Variants in NLRP8 observed in about 807,000 individuals in gnomAD.
NLRP8 encodes NLR family pyrin domain containing 8, also known as NACHT, LRR and PYD domains-containing protein 8.
NLRP8 carries 86 observed loss-of-function variants against 88.7 expected under a neutral mutation model. The ratio of observed to expected loss-of-function variants is 0.97; its 90% CI spans 0.81 to 1.16. The LOEUF is 1.16. Ranked by LOEUF, NLRP8 falls within the 50% of genes most tolerant of loss-of-function variation. NLRP8 has a pLI of 0.00. For synonymous variants in NLRP8, 504 were observed against 494.6 expected, an observed-to-expected ratio of 1.02 and a Z score of -0.25; for missense variants, 1,342 against 1,286.5, an observed-to-expected ratio of 1.04 and a Z score of -0.66.
At chr19:55,957,677 ATATATAT>A (rs1214498771) in intron 3 of NLRP8, among the ~76,000 whole-genome samples, 623 of 11,942 alleles carry the variant, frequency 0.052, 11 homozygotes, top group South Asian at 0.091. Flanking sequence ...TAATAATTAT[ATATATAT>A]ATATATATAT....
At position 55,955,249 on chromosome 19, in the gene NLRP8, G is replaced by A; in HGVS notation, c.1191G>A (p.Val397=). The change falls in exon 3 of 10, where the codon GTG becomes GTA. Residue 397 remains valine (V), a synonymous_variant. Transcript: ENST00000291971. ...TCTTCTCCATGTGCCGGGTCCCTGT[G>A]GTTTGCTGGATGGTCTGCTCTGGTC... 1 of 1,614,180 alleles carries A rather than the reference G, an allele frequency of 6.2e-7. No homozygotes were observed. The highest frequency in any genetic ancestry group is 8.5e-7 in the Non-Finnish European group (1 of 1,180,036).
At chr19:55,956,236 C>CTTTGTTTTGT in intron 3 of NLRP8, 136 bp downstream of exon 3, 1 of 913,252 alleles carries the variant, frequency 1.1e-6, no homozygotes, top group Admixed American at 2.9e-5. Context: ...ACTTCTGTTG[C>CTTTGTTTTGT]TTTGTTTTGT....
chr19:55,981,263 G>C lies in NLRP8; in HGVS notation c.3047+1699G>C, dbSNP rs762118560. 1.1e-4 allele frequency among the ~76,000 whole-genome samples: 16 copies of C among 151,330 alleles called. No homozygotes were observed. The Middle Eastern group carries it at 0.014, about 129-fold the overall frequency. On this transcript the variant is annotated intron_variant, in intron 9 of 9. Coordinates refer to ENST00000291971, the MANE Select transcript of NLRP8 (RefSeq NM_176811.2). ...TTTCCTAATGAGAAATTGGGAAACA[G>C]TTGCCTATTTTGTGGGCCGTCCTGA...
At chr19:55,982,593 C>T (rs1204548337) in intron 9 of NLRP8, among the ~76,000 whole-genome samples, 1 of 152,142 alleles carries the variant, frequency 6.6e-6, no homozygotes, top group Non-Finnish European at 1.5e-5. Flanking sequence ...ACAGTTGGTG[C>T]TGGGAATGTA....
At chr19:55,978,601 A>G (rs1309777247) in intron 8 of NLRP8, among the ~76,000 whole-genome samples, 1 of 152,100 alleles carries the variant, frequency 6.6e-6, no homozygotes, top group African/African-American at 2.4e-5. Flanking sequence ...TTAACCCATT[A>G]ATCTAATAAT....
intron 9 of NLRP8, among the ~76,000 whole-genome samples, chr19:55,984,380 C>A (rs1422208616): frequency 1.3e-5 from 2 of 152,232 alleles, no homozygotes; most frequent in Non-Finnish European, 1.5e-5. Flanking sequence ...TGTGGCCGGG[C>A]GCAGTGGCTC....
In NLRP8 at chr19:55,955,674, A is replaced by G; in HGVS notation, c.1616A>G (p.Gln539Arg). ...CATGTGTTGAGCCACGTGAATATCC[A>G]GCGCCTGATAGCGAGTCCCAGAGGA... Residue 539 changes from glutamine (Q) to arginine (R), a missense_variant, in exon 3 of 10, where the codon CAG becomes CGG. Coordinates refer to ENST00000291971, the MANE Select transcript of NLRP8 (RefSeq NM_176811.2). The G allele has an allele frequency of 6.2e-7, 1 of 1,614,170 alleles. No homozygotes were observed. The highest frequency in any genetic ancestry group is 8.5e-7 in the Non-Finnish European group (1 of 1,179,992).
intron 9 of NLRP8, among the ~76,000 whole-genome samples, chr19:55,983,866 C>T (rs1451096634): frequency 2.1e-5 from 3 of 144,084 alleles, no homozygotes; most frequent in East Asian, 2.1e-4. Flanking sequence ...CATCAATTTG[C>T]AATTTTTAAA....
At position 55,955,641 on chromosome 19, in the gene NLRP8, A is replaced by C. The variant is rs749071133; in HGVS notation, c.1583A>C (p.Lys528Thr). 1.2e-6 allele frequency: 2 copies of C among 1,614,082 alleles called. No individual in the cohort carries two copies. Among genetic ancestry groups the C allele is most frequent in the Non-Finnish European group, 1.7e-6 (2 of 1,180,036 alleles). Residue 528 changes from lysine to threonine, a missense_variant, in exon 3 of 10, where the codon AAA (lysine) becomes ACA (threonine). Lys to Thr is a moderately conservative substitution (Grantham distance 78, BLOSUM62 -1). Transcript: ENST00000291971. ...GTTCTCTGTTTCCCACAAAGACTCA[A>C]AAATTTTCATGTGTTGAGCCACGTG...
chr19:55,972,532 C>T (rs1411272347), intron 6 of NLRP8, among the ~76,000 whole-genome samples: 2 of 151,868 alleles, frequency 1.3e-5, no homozygotes, highest in East Asian at 1.9e-4. Context: ...GCCCAACATC[C>T]GAGCAGTGTA....
chr19:55,982,640 A>G (rs1011181208), intron 9 of NLRP8, among the ~76,000 whole-genome samples: 1 of 152,172 alleles, frequency 6.6e-6, no homozygotes, highest in African/African-American at 2.4e-5. Context: ...CAGAAGTAAG[A>G]CAATGCTCAG....
rs879022128 is a variant in NLRP8, at chr19:55,956,178, T to A, written c.2042+78T>A. 3 of 1,390,300 alleles carry A rather than the reference T, an allele frequency of 2.2e-6. No individual in the cohort carries two copies. In the East Asian group the frequency reaches 6.9e-5, roughly 32 times the overall value. 86.1% of individuals were successfully genotyped at this position (1,390,300 alleles called of 1,614,324 possible). A position where few individuals can be genotyped will look rare whatever the true frequency, so the allele number is the denominator to read the frequency against. ...TATGGTGTCCCGGGTGTTTAGGGGGTCAATCTGCAAACCTTTCTGATCTCT... is the reference window on the plus strand; with the variant it reads ...TATGGTGTCCCGGGTGTTTAGGGGGACAATCTGCAAACCTTTCTGATCTCT... On this transcript the variant is annotated intron_variant, in intron 3 of 9. Transcript: ENST00000291971.
rs773538565 is a variant in NLRP8, at chr19:55,955,105, C to T, written c.1047C>T (p.Pro349=). The T allele has an allele frequency of 6.2e-7, 1 of 1,614,084 alleles. No individual in the cohort carries two copies. The highest frequency in any genetic ancestry group is 8.5e-7 in the Non-Finnish European group (1 of 1,179,980). ...CATGCAAGCCCTTGCTGAAATGTCC[C>T]TCTCTCGTAACCCTTCCGGGGTTTA... The change falls in exon 3 of 10, where the codon CCC becomes CCT. Residue 349 remains proline (P), a synonymous_variant. Coordinates refer to ENST00000291971, the MANE Select transcript of NLRP8 (RefSeq NM_176811.2).
chr19:55,960,725 T>C (rs1483711495), intron 3 of NLRP8, among the ~76,000 whole-genome samples: 2 of 152,166 alleles, frequency 1.3e-5, no homozygotes, highest in Admixed American at 6.6e-5. Context: ...TTAAATTTTA[T>C]GCAAAAATTA....
intron 3 of NLRP8, among the ~76,000 whole-genome samples, chr19:55,960,897 C>CTTTTTTTTTTT (rs36087472): frequency 4.4e-5 from 4 of 91,006 alleles, no homozygotes; most frequent in African/African-American, 1.3e-4. Flanking sequence ...AACTATTTCT[C>CTTTTTTTTTTT]TTTTTTTTTT....
At chr19:55,968,213 T>C (rs1297546437) in intron 5 of NLRP8, among the ~76,000 whole-genome samples, 1 of 151,952 alleles carries the variant, frequency 6.6e-6, no homozygotes, top group African/African-American at 2.4e-5. Flanking sequence ...CTGAGGTGGG[T>C]GGATCACCTG....
chr19:55,984,383 A>G (rs572552254), intron 9 of NLRP8, among the ~76,000 whole-genome samples: 1 of 152,130 alleles, frequency 6.6e-6, no homozygotes, highest in African/African-American at 2.4e-5. Flanking sequence ...GGCCGGGCGC[A>G]GTGGCTCACG....
chr19:55,970,406 G>A, intron 5 of NLRP8, 138 bp from the exon 6 acceptor site: 1 of 970,228 alleles, frequency 1.0e-6, no homozygotes, highest in Non-Finnish European at 1.5e-6. Context: ...TGGTGCAGGT[G>A]TGCTGGCCGG....
At position 55,953,209 on chromosome 19, in the gene NLRP8, C is replaced by T. The variant is rs190151648; in HGVS notation, c.442+597C>T. Among the ~76,000 whole-genome samples the T allele has an allele frequency of 4.8e-3, 736 of 152,260 alleles. 4 individuals are homozygous for T. The highest frequency in any genetic ancestry group is 0.024 in the Middle Eastern group (7 of 294). ...ATGCGAGGGATCTAGGCTGTGCTCTCCTGAGAATCTAATGCCTGATCCGTC... is the reference window on the plus strand; with the variant it reads ...ATGCGAGGGATCTAGGCTGTGCTCTTCTGAGAATCTAATGCCTGATCCGTC... On this transcript the variant is annotated intron_variant, in intron 2 of 9. Coordinates refer to ENST00000291971, the MANE Select transcript of NLRP8 (RefSeq NM_176811.2).
Sources: gnomAD v4.1 joint callset for allele counts (sites outside exome capture counted in the v4.1 genomes callset) on GRCh38, gnomAD v4.1.1 for gene constraint, MANE v1.5 for transcripts, NCBI Gene and HGNC (gene_info 2026-07-23, HGNC 2026-07-21) for gene names.